Variants in LRMDA observed in about 807,000 individuals in gnomAD.
LRMDA encodes leucine-rich melanocyte differentiation-associated protein.
A neutral mutation model predicts 29.8 loss-of-function variants in LRMDA; 18 were observed. The ratio of observed to expected loss-of-function variants is 0.60; its 90% CI spans 0.42 to 0.90. The LOEUF is 0.90. Among genes scored for constraint, LRMDA ranks in the 40% least tolerant of loss-of-function variants. The probability of loss-of-function intolerance (pLI) is 0.00; values close to 1 mark genes in which losing one functional copy is unlikely to be tolerated. For synonymous variants in LRMDA, 125 were observed against 109.4 expected (o/e 1.14, Z -0.89); for missense variants, 273 against 273.9 (o/e 1.00, Z 0.02).
chr10:76,401,831 GC>G lies in LRMDA; in HGVS notation c.601+77348del, dbSNP rs1323497988. On this transcript the variant is annotated intron_variant, in intron 6 of 6. Coordinates refer to ENST00000611255, the MANE Select transcript of LRMDA (RefSeq NM_001305581.2). ...GACAAACAGGAAAAGCTTTTCTCTTGCCTTTTGAACAAGTGCCTGCATTTTC... is the reference window on the plus strand; with the variant it reads ...GACAAACAGGAAAAGCTTTTCTCTTGCTTTTGAACAAGTGCCTGCATTTTC... 3.3e-5 allele frequency among the ~76,000 whole-genome samples: 5 copies of G among 152,140 alleles called. No homozygotes were observed. The East Asian group carries it at 9.6e-4, about 29-fold the overall frequency.
intron 5 of LRMDA, among the ~76,000 whole-genome samples, chr10:76,136,880 A>T (rs1850105537): frequency 1.3e-5 from 2 of 152,226 alleles, no homozygotes; most frequent in Admixed American, 1.3e-4. Flanking sequence ...CATGTGGGTA[A>T]TGTTAAGGAT....
chr10:75,576,098 C>T (rs888720100), intron 2 of LRMDA, among the ~76,000 whole-genome samples: 3 of 152,126 alleles, frequency 2.0e-5, no homozygotes, highest in Non-Finnish European at 4.4e-5. Flanking sequence ...CATGAAAGCC[C>T]AGCAAGCTAA....
At chr10:75,687,899 G>T (rs1842101659) in intron 2 of LRMDA, among the ~76,000 whole-genome samples, 1 of 152,214 alleles carries the variant, frequency 6.6e-6, no homozygotes, top group Non-Finnish European at 1.5e-5. Context: ...TGTGTTCTAT[G>T]AATGGAACAA....
chr10:76,262,961 C>T (rs926070879), intron 5 of LRMDA, among the ~76,000 whole-genome samples: 1 of 152,140 alleles, frequency 6.6e-6, no homozygotes, highest in Non-Finnish European at 1.5e-5. Context: ...GTTATGTGCC[C>T]TAGCATAATT....
chr10:75,435,376 T>G (rs900328467), intron 1 of LRMDA, among the ~76,000 whole-genome samples: 1 of 152,252 alleles, frequency 6.6e-6, no homozygotes, highest in Non-Finnish European at 1.5e-5. Flanking sequence ...GAAGCACTTC[T>G]TAAGTCTTTT....
intron 2 of LRMDA, among the ~76,000 whole-genome samples, chr10:75,760,918 C>CA (rs779041592): frequency 1.4e-3 from 207 of 152,274 alleles, no homozygotes; most frequent in Non-Finnish European, 1.8e-3. Flanking sequence ...AGAGATGCCT[C>CA]AAGTGTGTGC....
At chr10:76,212,569 C>T (rs1050426009) in intron 5 of LRMDA, among the ~76,000 whole-genome samples, 6 of 152,080 alleles carry the variant, frequency 3.9e-5, no homozygotes, top group African/African-American at 1.4e-4. Context: ...AAGAGATAAC[C>T]GGATGTCCAC....
chr10:75,543,366 G>A lies in LRMDA; in HGVS notation c.131+104872G>A, dbSNP rs544929798. Among the ~76,000 whole-genome samples the A allele has an allele frequency of 2.0e-5, 3 of 152,250 alleles. No individual in the cohort carries two copies. The South Asian group carries it at 6.2e-4, about 32-fold the overall frequency. ...GCTAAATTTATATGGTTATAAACAA[G>A]AGATATTACTTTGGAATACCACAAT... On this transcript the variant is annotated intron_variant, in intron 2 of 6. Transcript: ENST00000611255.
At chr10:76,381,036 T>G (rs1317706275) in intron 6 of LRMDA, among the ~76,000 whole-genome samples, 1 of 28,174 alleles carries the variant, frequency 3.5e-5, no homozygotes, top group Non-Finnish European at 1.4e-4. Context: ...TTTTTTTTTT[T>G]TTTGGCTTGG....
intron 6 of LRMDA, among the ~76,000 whole-genome samples, chr10:76,384,195 A>G (rs1371287185): frequency 6.6e-6 from 1 of 152,170 alleles, no homozygotes; most frequent in Non-Finnish European, 1.5e-5. Flanking sequence ...AGTAAAGTTT[A>G]TGTCATTTTT....
At chr10:76,269,371 G>A (rs1334799311) in intron 5 of LRMDA, among the ~76,000 whole-genome samples, 1 of 152,108 alleles carries the variant, frequency 6.6e-6, no homozygotes. Flanking sequence ...TGGGAACTTT[G>A]CTTTCTCCAA....
chr10:75,902,534 T>C (rs1271017261), intron 2 of LRMDA, among the ~76,000 whole-genome samples: 1 of 139,796 alleles, frequency 7.2e-6, no homozygotes, highest in South Asian at 2.3e-4. Context: ...AAAATCTATT[T>C]TATTCTTTCT....
chr10:75,435,231 T>C (rs747577), intron 1 of LRMDA, among the ~76,000 whole-genome samples: 1 of 152,240 alleles, frequency 6.6e-6, no homozygotes, highest in South Asian at 2.1e-4. Flanking sequence ...GATCTATTAA[T>C]CTCTGTATCC....
At chr10:76,115,467 G>A (rs1849653180) in intron 5 of LRMDA, among the ~76,000 whole-genome samples, 1 of 152,194 alleles carries the variant, frequency 6.6e-6, no homozygotes, top group Non-Finnish European at 1.5e-5. Flanking sequence ...AGACACTTTA[G>A]GTCACCCTGC....
At chr10:75,533,022 T>C (rs1328604310) in intron 2 of LRMDA, among the ~76,000 whole-genome samples, 1 of 152,124 alleles carries the variant, frequency 6.6e-6, no homozygotes, top group African/African-American at 2.4e-5. Context: ...CACAGCCACG[T>C]TTGTGGAGTA....
chr10:75,469,572 G>A (rs953497771), intron 2 of LRMDA, among the ~76,000 whole-genome samples: 3 of 132,300 alleles, frequency 2.3e-5, no homozygotes, highest in African/African-American at 1.0e-4. Flanking sequence ...CTGCCCATGT[G>A]TGTGAGTGTA....
chr10:76,384,636 T>C (rs911558410), intron 6 of LRMDA, among the ~76,000 whole-genome samples: 1 of 152,200 alleles, frequency 6.6e-6, no homozygotes, highest in African/African-American at 2.4e-5. Context: ...GGACTTTCCG[T>C]CCCAGGAAGG....
At chr10:75,900,151 A>G (rs1845646795) in intron 2 of LRMDA, among the ~76,000 whole-genome samples, 1 of 152,242 alleles carries the variant, frequency 6.6e-6, no homozygotes, top group African/African-American at 2.4e-5. Flanking sequence ...CATATTTATG[A>G]AAAGACTTGA....
At chr10:76,457,375 A>T (rs1842466955) in intron 6 of LRMDA, among the ~76,000 whole-genome samples, 1 of 152,180 alleles carries the variant, frequency 6.6e-6, no homozygotes, top group African/African-American at 2.4e-5. Context: ...CAAAGCAGTG[A>T]AATGTTGAGT....
Sources: gnomAD v4.1 joint callset for allele counts (sites outside exome capture counted in the v4.1 genomes callset) on GRCh38, gnomAD v4.1.1 for gene constraint, MANE v1.5 for transcripts, NCBI Gene and HGNC (gene_info 2026-07-23, HGNC 2026-07-21) for gene names.